EMCN: variants seen among roughly 807,000 people sequenced by gnomAD.
The protein encoded by EMCN is MUC-14.
Under a neutral mutation model 38.4 loss-of-function variants are expected in EMCN, and 37 were observed. That is an observed-to-expected ratio of 0.96 (90% CI 0.74 to 1.27). EMCN has a LOEUF of 1.27. Among genes scored for constraint, EMCN ranks in the 50% most tolerant of loss-of-function variants. The pLI, the probability that EMCN is intolerant of heterozygous loss-of-function variation, is 0.00. For missense variants in EMCN, 318 were observed against 302.8 expected (o/e 1.05, Z -0.37); for synonymous variants, 95 against 100.8 (o/e 0.94, Z 0.35).
At chr4:100,495,451 G>T (rs1729185830) in intron 1 of EMCN, among the ~76,000 whole-genome samples, 1 of 152,014 alleles carries the variant, frequency 6.6e-6, no homozygotes, top group Non-Finnish European at 1.5e-5. Flanking sequence ...TTAAATCTGA[G>T]ATATCACCTG....
chr4:100,487,056 T>C, intron 1 of EMCN: 1 of 979,394 alleles, frequency 1.0e-6, no homozygotes, highest in African/African-American at 1.7e-5. Context: ...AAGGTTACAT[T>C]TAATATTTAT....
intron 1 of EMCN, among the ~76,000 whole-genome samples, chr4:100,484,347 C>G (rs1034022133): frequency 6.6e-6 from 1 of 152,092 alleles, no homozygotes; most frequent in Non-Finnish European, 1.5e-5. Flanking sequence ...ATAAAGTCAT[C>G]TACTCTTTGT....
At position 100,423,335 on chromosome 4, in the gene EMCN, G is replaced by A; in HGVS notation, c.485C>T (p.Pro162Leu). 1 of 1,612,738 alleles carries A rather than the reference G, an allele frequency of 6.2e-7. No homozygotes were observed. The highest frequency in any genetic ancestry group is 8.5e-7 in the Non-Finnish European group (1 of 1,179,072). The change falls in exon 6 of 12, where the codon CCA (proline) becomes CTA (leucine). Residue 162 changes from proline to leucine, a missense_variant. Pro to Leu is a moderately conservative substitution (Grantham distance 98). Coordinates refer to ENST00000296420, the MANE Select transcript of EMCN (RefSeq NM_016242.4). ...GTLTSIPVTI[P>L]ENTSQSQVIG... The stretch of plus-strand genomic sequence containing the variant: ...ACCTTGAGACTGTGAGGTGTTTTCT[G>A]GAATTGTAACTGGTATTGAGGTTAA...
At chr4:100,418,873 T>C (rs1453336082) in intron 8 of EMCN, among the ~76,000 whole-genome samples, 2 of 152,212 alleles carry the variant, frequency 1.3e-5, no homozygotes, top group East Asian at 3.9e-4. Flanking sequence ...ATTTCTTTGA[T>C]ATATTGATTT....
At chr4:100,513,282 C>T (rs1729674133) in intron 1 of EMCN, among the ~76,000 whole-genome samples, 1 of 152,118 alleles carries the variant, frequency 6.6e-6, no homozygotes, top group South Asian at 2.1e-4. Context: ...GTTTAGTCTT[C>T]CTACAATAGA....
At chr4:100,405,262 G>A (rs2110206038) in intron 11 of EMCN, among the ~76,000 whole-genome samples, 1 of 152,170 alleles carries the variant, frequency 6.6e-6, no homozygotes, top group East Asian at 1.9e-4. Flanking sequence ...GAATATGAGT[G>A]GTGAGACTGG....
At chr4:100,515,460 C>A (rs558255952) in intron 1 of EMCN, among the ~76,000 whole-genome samples, 8 of 152,184 alleles carry the variant, frequency 5.3e-5, no homozygotes, top group African/African-American at 1.9e-4. Flanking sequence ...AACTCACTGA[C>A]TGTGATGTAG....
At chr4:100,431,487 C>A (rs1727198176) in intron 5 of EMCN, among the ~76,000 whole-genome samples, 1 of 152,164 alleles carries the variant, frequency 6.6e-6, no homozygotes, top group Admixed American at 6.6e-5. Flanking sequence ...AAAGAGGGAA[C>A]TTCTTCTGCC....
chr4:100,483,383 C>T (rs1728861344), intron 1 of EMCN: 1 of 152,098 alleles, frequency 6.6e-6, no homozygotes, highest in Non-Finnish European at 1.5e-5. Context: ...AAGCTACATA[C>T]CTCAGCTCCA....
intron 3 of EMCN, among the ~76,000 whole-genome samples, chr4:100,469,348 A>G (rs935542011): frequency 6.6e-6 from 1 of 152,116 alleles, no homozygotes; most frequent in Admixed American, 6.5e-5. Context: ...TATTACATCA[A>G]AAGCTCAGGG....
At chr4:100,426,955 A>G (rs182321429) in intron 5 of EMCN, among the ~76,000 whole-genome samples, 7 of 152,200 alleles carry the variant, frequency 4.6e-5, no homozygotes, top group African/African-American at 1.7e-4. Context: ...CCCTGAAATT[A>G]CTACAATGCT....
intron 1 of EMCN, among the ~76,000 whole-genome samples, 198 bp from the exon 2 acceptor site, chr4:100,480,237 C>A (rs1463175589): frequency 6.6e-6 from 1 of 151,916 alleles, no homozygotes; most frequent in Non-Finnish European, 1.5e-5. Flanking sequence ...TTCAAGATGG[C>A]TGGTAGGAGC....
At chr4:100,471,606 T>C (rs577083557) in intron 3 of EMCN, among the ~76,000 whole-genome samples, 29 of 152,068 alleles carry the variant, frequency 1.9e-4, no homozygotes, top group African/African-American at 7.0e-4. Context: ...AGTATTATTT[T>C]GATTTCAAAA....
Position 100,436,892 on chromosome 4 carries a change from G to C in EMCN, c.415+10641C>G, listed in dbSNP as rs866831423. On this transcript the variant is annotated intron_variant, in intron 5 of 11. Coordinates refer to ENST00000296420, the MANE Select transcript of EMCN (RefSeq NM_016242.4). ...TGAGAGAGGTGTGCGGGGGAAGAGA[G>C]AGCATTAGGAGTAGTGAATGGATGC... Among the ~76,000 whole-genome samples, 38 of 152,142 alleles carry C rather than the reference G, an allele frequency of 2.5e-4. 1 individual carries two copies. Among genetic ancestry groups the C allele is most frequent in the Middle Eastern group, 3.2e-3 (1 of 316 alleles).
chr4:100,407,955 G>A (rs954011187), intron 11 of EMCN, among the ~76,000 whole-genome samples: 2 of 152,044 alleles, frequency 1.3e-5, no homozygotes, highest in Non-Finnish European at 2.9e-5. Context: ...TTATCTGACT[G>A]TTAATGTGAA....
chr4:100,502,918 TA>T (rs754742205), intron 1 of EMCN, among the ~76,000 whole-genome samples: 1 of 152,172 alleles, frequency 6.6e-6, no homozygotes, highest in Non-Finnish European at 1.5e-5. Context: ...ATTGATAATA[TA>T]ATCTCAATTT....
chr4:100,456,912 A>T (rs995650276), intron 4 of EMCN, among the ~76,000 whole-genome samples: 1 of 152,144 alleles, frequency 6.6e-6, no homozygotes, highest in Non-Finnish European at 1.5e-5. Context: ...AGAAAGGTAT[A>T]TTAAAATTTT....
chr4:100,487,961 G>T (rs1728983132), intron 1 of EMCN, among the ~76,000 whole-genome samples: 1 of 152,100 alleles, frequency 6.6e-6, no homozygotes, highest in Non-Finnish European at 1.5e-5. Context: ...CATTTCTTTG[G>T]AGACAAGGAG....
At chr4:100,471,077 G>C (rs530892186) in intron 3 of EMCN, among the ~76,000 whole-genome samples, 1 of 151,798 alleles carries the variant, frequency 6.6e-6, no homozygotes, top group Non-Finnish European at 1.5e-5. Flanking sequence ...ATACGAAGCC[G>C]TGGGAAAGAA....
Sources: allele counts gnomAD v4.1 joint callset (sites outside exome capture counted in the v4.1 genomes callset), GRCh38; gene constraint gnomAD v4.1.1; transcripts MANE v1.5; gene names NCBI Gene and HGNC (gene_info 2026-07-23, HGNC 2026-07-21).